CDH8: variants seen among roughly 807,000 people sequenced by gnomAD.
CDH8 encodes the protein cadherin-8.
CDH8 carries 17 observed loss-of-function variants against 68.1 expected under a neutral mutation model. The observed-to-expected ratio is 0.25, with a 90% CI of 0.17 to 0.37. The LOEUF (loss-of-function observed/expected upper bound fraction) is 0.37, where lower values mean the gene tolerates loss of function less well. CDH8 is among the 10% of genes least tolerant of loss of function. The pLI is 1.00. For missense variants in CDH8, 763 were observed against 999.3 expected (o/e 0.76, Z 3.19); for synonymous variants, 372 against 365.1 (o/e 1.02, Z -0.21).
rs550909631 is a variant in CDH8, at chr16:61,853,611, G to A, written c.667+3508C>T. ...GTAATGGTATTCAGCCAACATTTTC[G>A]AACCCATCTATGCTGGGTCACTTCC... On this transcript the variant is annotated intron_variant, in intron 4 of 11. Coordinates refer to ENST00000577390, the MANE Select transcript of CDH8 (RefSeq NM_001796.5). Among the ~76,000 whole-genome samples the A allele has an allele frequency of 3.7e-4, 56 of 152,080 alleles. 4 individuals are homozygous for A. The South Asian group carries it at 0.012, about 32-fold the overall frequency.
At chr16:61,924,316 C>T (rs906060142) in intron 2 of CDH8, among the ~76,000 whole-genome samples, 1 of 152,122 alleles carries the variant, frequency 6.6e-6, no homozygotes, top group Non-Finnish European at 1.5e-5. Context: ...GAAATATACA[C>T]AACCCTTTAA....
chr16:61,711,505 T>A (rs1002566596), intron 10 of CDH8: 46 of 151,722 alleles, frequency 3.0e-4, no homozygotes, highest in Admixed American at 1.7e-3. Flanking sequence ...AGAAGGAAAA[T>A]ATATATATAT....
chr16:61,853,977 T>G (rs2143014197), intron 4 of CDH8, among the ~76,000 whole-genome samples: 1 of 152,202 alleles, frequency 6.6e-6, no homozygotes, highest in African/African-American at 2.4e-5. Context: ...TGTACATATA[T>G]GTATGTATAA....
At chr16:61,814,180 G>C (rs1962021970) in intron 7 of CDH8, among the ~76,000 whole-genome samples, 1 of 152,150 alleles carries the variant, frequency 6.6e-6, no homozygotes, top group African/African-American at 2.4e-5. Flanking sequence ...GAATCTCAGA[G>C]AATTCCAGAG....
In CDH8 at chr16:61,652,956, C is replaced by T. The variant is rs1466577640; in HGVS notation, c.*652G>A. 6.6e-7 allele frequency: 1 copy of T among 1,520,902 alleles called. No individual in the cohort carries two copies. The highest frequency in any genetic ancestry group is 1.2e-5 in the South Asian group (1 of 80,688). 94.2% of individuals were successfully genotyped at this position (1,520,902 alleles called of 1,614,324 possible). A position where few individuals can be genotyped will look rare whatever the true frequency, so the allele number is the denominator to read the frequency against. On this transcript the variant is annotated 3_prime_UTR_variant, in exon 12 of 12. Coordinates refer to ENST00000577390, the MANE Select transcript of CDH8 (RefSeq NM_001796.5). ...CTCCTCCCACCACTGAATTGGCAAG[C>T]CCCACCCTGGAATGGATTACGAACA...
chr16:61,811,032 A>G lies in CDH8; in HGVS notation c.1277+6447T>C, dbSNP rs571446267. ...GAGTGAGACTCTGTCTCAAAAAAAA[A>G]AAAAAAAAAAAGAAGACTAGTTAGA... On this transcript the variant is annotated intron_variant, in intron 7 of 11. Coordinates refer to ENST00000577390, the MANE Select transcript of CDH8 (RefSeq NM_001796.5). 2.7e-4 allele frequency among the ~76,000 whole-genome samples: 41 copies of G among 151,720 alleles called. 1 individual carries two copies. Among genetic ancestry groups the G allele is most frequent in the African/African-American group, 9.7e-4 (40 of 41,412 alleles).
intron 2 of CDH8, among the ~76,000 whole-genome samples, chr16:61,945,809 A>C (rs1320932554): frequency 6.6e-6 from 1 of 152,172 alleles, no homozygotes; most frequent in Non-Finnish European, 1.5e-5. Context: ...GTTTACAGGG[A>C]ACTAGGCTTT....
chr16:61,672,381 T>A (rs1187237113), intron 10 of CDH8, among the ~76,000 whole-genome samples: 1 of 152,148 alleles, frequency 6.6e-6, no homozygotes, highest in African/African-American at 2.4e-5. Flanking sequence ...GAATCATTTT[T>A]ATTTGCATAC....
intron 8 of CDH8, among the ~76,000 whole-genome samples, chr16:61,749,640 A>T (rs1596929576): frequency 6.6e-6 from 1 of 152,176 alleles, no homozygotes; most frequent in African/African-American, 2.4e-5. Flanking sequence ...AAAGGCTTGA[A>T]TGAAATTATA....
chr16:61,839,785 G>T (rs1165206943), intron 4 of CDH8, among the ~76,000 whole-genome samples: 1 of 152,130 alleles, frequency 6.6e-6, no homozygotes, highest in African/African-American at 2.4e-5. Context: ...AGACAGATGA[G>T]ATGTAGTTCT....
At chr16:61,801,558 G>T (rs1317158279) in intron 7 of CDH8, among the ~76,000 whole-genome samples, 2 of 152,196 alleles carry the variant, frequency 1.3e-5, no homozygotes, top group East Asian at 1.9e-4. Flanking sequence ...GAGGTACCGG[G>T]TTTCTCTCAC....
intron 10 of CDH8, among the ~76,000 whole-genome samples, chr16:61,676,375 CATA>C (rs1298604884): frequency 5.9e-5 from 9 of 151,768 alleles, no homozygotes; most frequent in African/African-American, 1.9e-4. Flanking sequence ...AGAGGGCCAT[CATA>C]ATAATGAAAA....
chr16:61,773,021 C>T (rs1271944716), intron 8 of CDH8, among the ~76,000 whole-genome samples: 1 of 151,954 alleles, frequency 6.6e-6, no homozygotes, highest in Non-Finnish European at 1.5e-5. Flanking sequence ...AGATTATTTC[C>T]TTGATCTGGC....
At chr16:62,023,092 C>G (rs967654065) in intron 1 of CDH8, among the ~76,000 whole-genome samples, 1 of 152,166 alleles carries the variant, frequency 6.6e-6, no homozygotes, top group South Asian at 2.1e-4. Flanking sequence ...AACAGATTCC[C>G]CTTAAGTCTT....
At position 62,026,405 on chromosome 16, in the gene CDH8, C is replaced by T. The variant is rs148447071; in HGVS notation, c.-199-4803G>A. 6.0e-3 allele frequency among the ~76,000 whole-genome samples: 907 copies of T among 152,240 alleles called. 5 individuals carry two copies. The highest frequency in any genetic ancestry group is 0.014 in the Middle Eastern group (4 of 294). ...TGATGCTACTTACTGATTTGAAAAC[C>T]ACACTTTGCGAAGCAAGTAGTTCTA... On this transcript the variant is annotated intron_variant, in intron 1 of 11. Transcript: ENST00000577390.
intron 8 of CDH8, among the ~76,000 whole-genome samples, chr16:61,733,299 G>C (rs1199456338): frequency 6.6e-6 from 1 of 151,746 alleles, no homozygotes; most frequent in South Asian, 2.1e-4. Context: ...ACTTTTGGGT[G>C]TATGTTTGTA....
chr16:61,761,857 G>A (rs1312751188), intron 8 of CDH8, among the ~76,000 whole-genome samples: 2 of 151,958 alleles, frequency 1.3e-5, no homozygotes, highest in Non-Finnish European at 2.9e-5. Context: ...AAAACTAGCT[G>A]GGTGTGGTGG....
chr16:61,907,958 G>T (rs1053531466), intron 2 of CDH8, among the ~76,000 whole-genome samples: 24 of 150,076 alleles, frequency 1.6e-4, no homozygotes, highest in Admixed American at 1.3e-3. Flanking sequence ...CAGGAGAATG[G>T]TGTGAACCCT....
At chr16:61,866,747 C>T (rs907876645) in intron 3 of CDH8, among the ~76,000 whole-genome samples, 1 of 151,974 alleles carries the variant, frequency 6.6e-6, no homozygotes, top group Non-Finnish European at 1.5e-5. Context: ...AGAATAGTAC[C>T]ACCTACTTCC....
Sources: gnomAD v4.1 joint callset for allele counts (sites outside exome capture counted in the v4.1 genomes callset) on GRCh38, gnomAD v4.1.1 for gene constraint, MANE v1.5 for transcripts, NCBI Gene and HGNC (gene_info 2026-07-23, HGNC 2026-07-21) for gene names.